The following FGF12 variants were observed in gnomAD, a reference collection of about 807,000 sequenced individuals.
The protein encoded by FGF12 is fibroblast growth factor 12.
FGF12 carries 14 observed loss-of-function variants against 23.6 expected under a neutral mutation model. The ratio of observed to expected loss-of-function variants is 0.59; its 90% CI spans 0.39 to 0.93. The LOEUF is 0.93. Ranked by LOEUF, FGF12 falls within the 40% of genes least tolerant of loss-of-function variation. The pLI is 0.00. For missense variants in FGF12, 175 were observed against 217.8 expected (o/e 0.80, Z 1.24); for synonymous variants, 62 against 77.3 (o/e 0.80, Z 1.04).
chr3:192,669,756 T>C (rs553019725), intron 2 of FGF12, among the ~76,000 whole-genome samples: 103 of 152,258 alleles, frequency 6.8e-4, no homozygotes, highest in Non-Finnish European at 1.3e-3. Flanking sequence ...TTTCTTATGA[T>C]AATGTGTTTT....
At chr3:192,480,607 T>G (rs1280468346) in intron 2 of FGF12, among the ~76,000 whole-genome samples, 2 of 152,180 alleles carry the variant, frequency 1.3e-5, no homozygotes, top group East Asian at 1.9e-4. Context: ...TTGAGTAGAC[T>G]CATTGCTAAA....
At chr3:192,226,845 A>G (rs1277403400) in intron 4 of FGF12, among the ~76,000 whole-genome samples, 1 of 152,136 alleles carries the variant, frequency 6.6e-6, no homozygotes, top group Non-Finnish European at 1.5e-5. Context: ...AGCTAGATTT[A>G]CTCACTCCAC....
chr3:192,626,476 C>T (rs1577085836), intron 2 of FGF12, among the ~76,000 whole-genome samples: 1 of 152,292 alleles, frequency 6.6e-6, no homozygotes, highest in Admixed American at 6.5e-5. Flanking sequence ...GCTGGGTAGA[C>T]ATTTGCATGT....
intron 2 of FGF12, among the ~76,000 whole-genome samples, chr3:192,459,989 T>C (rs1722813486): frequency 6.6e-6 from 1 of 152,050 alleles, no homozygotes; most frequent in Admixed American, 6.6e-5. Flanking sequence ...ACAAAGATGA[T>C]CTAGATCAAT....
intron 2 of FGF12, among the ~76,000 whole-genome samples, chr3:192,616,383 A>G (rs1188842358): frequency 1.3e-5 from 2 of 152,098 alleles, no homozygotes; most frequent in Non-Finnish European, 2.9e-5. Flanking sequence ...TTGTTTATTT[A>G]GGTATATACC....
chr3:192,462,519 C>T lies in FGF12; in HGVS notation c.14-101981G>A, dbSNP rs368479434. ...CAAGAAGGTCCTCAGCAAATATGCCCCCTCAATTTTGGACTTCTCAATCTC... is the reference window on the plus strand; with the variant it reads ...CAAGAAGGTCCTCAGCAAATATGCCTCCTCAATTTTGGACTTCTCAATCTC... On this transcript the variant is annotated intron_variant, in intron 2 of 5. Coordinates refer to ENST00000445105, the MANE Select transcript of FGF12 (RefSeq NM_004113.6). 2.0e-3 allele frequency among the ~76,000 whole-genome samples: 301 copies of T among 152,080 alleles called. 1 individual carries two copies. The highest frequency in any genetic ancestry group is 3.4e-3 in the Middle Eastern group (1 of 294).
At chr3:192,718,665 C>T (rs1484565462) in intron 2 of FGF12, among the ~76,000 whole-genome samples, 3 of 152,180 alleles carry the variant, frequency 2.0e-5, no homozygotes, top group Non-Finnish European at 4.4e-5. Flanking sequence ...AGACATGAAC[C>T]TGTTACCTAT....
chr3:192,389,120 G>A (rs1471841273), intron 2 of FGF12, among the ~76,000 whole-genome samples: 1 of 152,208 alleles, frequency 6.6e-6, no homozygotes, highest in Non-Finnish European at 1.5e-5. Flanking sequence ...AGCACTTTGG[G>A]AGGCCGAGGC....
At chr3:192,477,215 G>A (rs1723350951) in intron 2 of FGF12, among the ~76,000 whole-genome samples, 1 of 152,170 alleles carries the variant, frequency 6.6e-6, no homozygotes, top group Admixed American at 6.5e-5. Flanking sequence ...AGAAACTAGA[G>A]GAATAAAGAC....
intron 2 of FGF12, among the ~76,000 whole-genome samples, chr3:192,622,280 T>C (rs981864440): frequency 1.1e-4 from 16 of 152,306 alleles, no homozygotes; most frequent in African/African-American, 3.8e-4. Flanking sequence ...GGAGTGCTCC[T>C]TTCAACCTCA....
chr3:192,681,568 T>C (rs1717527323), intron 2 of FGF12, among the ~76,000 whole-genome samples: 1 of 152,184 alleles, frequency 6.6e-6, no homozygotes, highest in Non-Finnish European at 1.5e-5. Flanking sequence ...TACCAATCTC[T>C]AAAAATCCCT....
intron 2 of FGF12, among the ~76,000 whole-genome samples, chr3:192,693,855 T>C (rs1718022085): frequency 6.6e-6 from 1 of 152,126 alleles, no homozygotes; most frequent in Admixed American, 6.6e-5. Context: ...TATTATTGTT[T>C]TTTGGCTGAG....
At chr3:192,616,040 AT>A (rs1381527951) in intron 2 of FGF12, among the ~76,000 whole-genome samples, 2 of 151,922 alleles carry the variant, frequency 1.3e-5, no homozygotes, top group Non-Finnish European at 2.9e-5. Flanking sequence ...TGCTTACAAA[AT>A]TTTTTTCTTA....
At chr3:192,648,802 T>G (rs1392181734) in intron 2 of FGF12, among the ~76,000 whole-genome samples, 1 of 152,192 alleles carries the variant, frequency 6.6e-6, no homozygotes, top group African/African-American at 2.4e-5. Context: ...AAATTTTCTG[T>G]GAGGTAAGGC....
rs575222935 is a variant in FGF12 at position 192,263,737 on chromosome 3, G to A, written c.228+71624C>T. Among the ~76,000 whole-genome samples the A allele has an allele frequency of 2.0e-4, 31 of 152,032 alleles. No individual in the cohort carries two copies. In the Middle Eastern group the frequency reaches 0.014, roughly 67 times the overall value. ...GGAATTTTCTGAAATAAATGAAATT[G>A]AGTTTTGAAATTAAATCAGAGGAAA... On this transcript the variant is annotated intron_variant, in intron 4 of 5. Transcript: ENST00000445105.
At chr3:192,560,945 G>T (rs1309367886) in intron 2 of FGF12, among the ~76,000 whole-genome samples, 1 of 152,108 alleles carries the variant, frequency 6.6e-6, no homozygotes, top group Non-Finnish European at 1.5e-5. Flanking sequence ...TATAGTACAT[G>T]CATACAACAA....
At chr3:192,549,922 T>C (rs1725590021) in intron 2 of FGF12, among the ~76,000 whole-genome samples, 1 of 152,146 alleles carries the variant, frequency 6.6e-6, no homozygotes, top group Non-Finnish European at 1.5e-5. Context: ...ACAGCTTTCT[T>C]AGGTCTCTAG....
chr3:192,433,782 A>G (rs1721933400), intron 2 of FGF12, among the ~76,000 whole-genome samples: 1 of 152,200 alleles, frequency 6.6e-6, no homozygotes, highest in Non-Finnish European at 1.5e-5. Context: ...ACGTGGGAGA[A>G]TTTCCCACGA....
chr3:192,652,743 G>A (rs9815063), intron 2 of FGF12, among the ~76,000 whole-genome samples: 86,767 of 152,024 alleles, frequency 0.57, 25,171 homozygotes, highest in East Asian at 0.67. Context: ...ACTCAAATTT[G>A]AGAATCACTG....
Sources: gnomAD v4.1 joint callset for allele counts (sites outside exome capture counted in the v4.1 genomes callset) on GRCh38, gnomAD v4.1.1 for gene constraint, MANE v1.5 for transcripts, NCBI Gene and HGNC (gene_info 2026-07-23, HGNC 2026-07-21) for gene names.